Variants in VIPAS39 observed in about 807,000 individuals in gnomAD.
The protein encoded by VIPAS39 is spermatogenesis-defective protein 39 homolog.
In VIPAS39, 63 loss-of-function variants were observed where a neutral mutation model predicts 84.7. The ratio of observed to expected loss-of-function variants is 0.74; its 90% CI spans 0.61 to 0.92. The LOEUF (loss-of-function observed/expected upper bound fraction) is 0.92, where lower values mean the gene tolerates loss of function less well. Ranked by LOEUF, VIPAS39 falls within the 40% of genes least tolerant of loss-of-function variation. VIPAS39 has a pLI of 0.00. For missense variants in VIPAS39, 499 were observed against 604.5 expected (o/e 0.83, Z 1.83); for synonymous variants, 192 against 216.5 (o/e 0.89, Z 0.99).
chr14:77,434,290 CT>C lies in VIPAS39; in HGVS notation c.1060del (p.Ser354ValfsTer5). ...AAATGTCTTCTTCAGGTTGACGGGA[CT>C]GCTGAATGTCCCCTAGGATGAAAGT... ...HYTEAEGTFS[S>X]PVNLKKTFKI... is the part of the protein sequence containing the mutation. On this transcript the variant is annotated frameshift_variant, in exon 15 of 20. Coordinates refer to ENST00000557658, the MANE Select transcript of VIPAS39 (RefSeq NM_001193315.2). LOFTEE classifies it high-confidence loss of function. 6.2e-7 allele frequency: 1 copy of C among 1,614,146 alleles called. No homozygotes were observed. The highest frequency in any genetic ancestry group is 8.5e-7 in the Non-Finnish European group (1 of 1,180,004).
chr14:77,457,494 C>A lies in VIPAS39; in HGVS notation c.-1+1G>T. On this transcript the variant is annotated splice_donor_variant, in intron 1 of 19. Coordinates refer to ENST00000557658, the MANE Select transcript of VIPAS39 (RefSeq NM_001193315.2). LOFTEE classifies it low-confidence loss of function (5UTR_SPLICE). ...ACCCAAGGGGCTTGGGACACCCTCA[C>A]CTCTTCCGCACAGAGCCCTCCCTCT... 8.5e-7 allele frequency: 1 copy of A among 1,176,524 alleles called. No homozygotes were observed. The allele number at this position is 1,176,524 out of a possible 1,614,324, so 72.9% of individuals were successfully genotyped here.
At chr14:77,448,080 G>A (rs1401765274) in intron 7 of VIPAS39, among the ~76,000 whole-genome samples, 2 of 150,970 alleles carry the variant, frequency 1.3e-5, no homozygotes, top group African/African-American at 2.4e-5. Flanking sequence ...TCAGCCTCCC[G>A]AGTAGCTGGG....
At chr14:77,457,197 C>G in intron 1 of VIPAS39, 1 of 1,500,012 alleles carries the variant, frequency 6.7e-7, no homozygotes, top group Non-Finnish European at 8.8e-7. Context: ...GATGACTCTA[C>G]GGGTGAACGT....
At chr14:77,435,180 G>A in intron 14 of VIPAS39, 79 bp downstream of exon 14, 1 of 1,596,106 alleles carries the variant, frequency 6.3e-7, no homozygotes, top group Non-Finnish European at 8.6e-7. Flanking sequence ...TATTAATAGA[G>A]TACATAAAAG....
rs764577623 is a variant in VIPAS39, at chr14:77,433,854, T to G, written c.1167A>C (p.Leu389=). 1 of 1,613,944 alleles carries G rather than the reference T, an allele frequency of 6.2e-7. No individual in the cohort carries two copies. Among genetic ancestry groups the G allele is most frequent in the Non-Finnish European group, 8.5e-7 (1 of 1,179,910 alleles). The change falls in exon 16 of 20, where the codon CTA becomes CTC. Residue 389 remains leucine, a synonymous_variant. Transcript: ENST00000557658. ...GCAGGGCACACACCTTTGTGGTGAATAGGGCATCTACATCATTCCAGGCTC... is the reference window on the plus strand; with the variant it reads ...GCAGGGCACACACCTTTGTGGTGAAGAGGGCATCTACATCATTCCAGGCTC... ...KLRAWNDVDA[L]FTTKNWLGYT...
rs1369168894 is a variant in VIPAS39 at position 77,426,741 on chromosome 14, C to G, written c.*875G>C. On this transcript the variant is annotated 3_prime_UTR_variant, in exon 20 of 20. Coordinates refer to ENST00000557658, the MANE Select transcript of VIPAS39 (RefSeq NM_001193315.2). The stretch of plus-strand genomic sequence containing the variant: ...ATGTCAGAAAAACCCAGTTCAGTCA[C>G]AGAAAAGGAGGCAAATATTGGTACA... 1 of 152,204 alleles carries G rather than the reference C, an allele frequency of 6.6e-6. No individual in the cohort carries two copies. The highest frequency in any genetic ancestry group is 1.5e-5 in the Non-Finnish European group (1 of 68,056). The allele number at this position is 152,204 out of a possible 1,614,324, so 9.4% of individuals were successfully genotyped here. A position where few individuals can be genotyped will look rare whatever the true frequency, so the allele number is the denominator to read the frequency against.
chr14:77,434,174 G>T, intron 15 of VIPAS39, 88 bp downstream of exon 15: 1 of 1,389,946 alleles, frequency 7.2e-7, no homozygotes, highest in South Asian at 1.2e-5. Flanking sequence ...AATATCAAAG[G>T]ACACACTGTA....
At chr14:77,440,647 T>C (rs2078687124) in intron 11 of VIPAS39, among the ~76,000 whole-genome samples, 1 of 152,206 alleles carries the variant, frequency 6.6e-6, no homozygotes, top group Admixed American at 6.5e-5. Context: ...CAGGTGCCTC[T>C]CTCTTCTGTA....
At chr14:77,429,561 C>T (rs2139734907) in intron 17 of VIPAS39, 120 bp downstream of exon 17, 2 of 1,019,734 alleles carry the variant, frequency 2.0e-6, no homozygotes, top group South Asian at 2.5e-5. Flanking sequence ...CTATTGCAGC[C>T]ATTGTGCTGC....
intron 13 of VIPAS39, 22 bp from the exon 14 acceptor site, chr14:77,435,415 G>GAGA: frequency 1.4e-6 from 2 of 1,469,476 alleles, no homozygotes; most frequent in Non-Finnish European, 9.1e-7. Flanking sequence ...TGAGCCAAGT[G>GAGA]AAAAAAAAAA....
chr14:77,447,975 T>TTTTTTTTTTTTTG (rs2078821498), intron 7 of VIPAS39, among the ~76,000 whole-genome samples: 1 of 145,842 alleles, frequency 6.9e-6, no homozygotes, highest in African/African-American at 2.6e-5. Context: ...CTTTTTTTTT[T>TTTTTTTTTTTTTG]TTGAGACGGA....
chr14:77,440,096 G>C (rs193180686), intron 11 of VIPAS39, among the ~76,000 whole-genome samples: 7 of 152,020 alleles, frequency 4.6e-5, no homozygotes, highest in East Asian at 3.9e-4. Flanking sequence ...TGTTGCCCAG[G>C]CTGTTCTCTA....
At chr14:77,456,271 A>G (rs561557884) in intron 1 of VIPAS39, among the ~76,000 whole-genome samples, 15 of 152,352 alleles carry the variant, frequency 9.8e-5, no homozygotes, top group East Asian at 1.9e-4. Flanking sequence ...TTAACACTCA[A>G]TAGTAACTTT....
intron 11 of VIPAS39, chr14:77,440,590 A>C (rs567911462): frequency 6.3e-6 from 1 of 159,046 alleles, no homozygotes; most frequent in Non-Finnish European, 1.4e-5. Context: ...CCAAAAGAGC[A>C]TATAAAAAGA....
intron 4 of VIPAS39, among the ~76,000 whole-genome samples, chr14:77,450,863 C>T (rs772209259): frequency 1.3e-5 from 2 of 152,214 alleles, no homozygotes; most frequent in Admixed American, 6.5e-5. Context: ...CTGTCTTCCA[C>T]GGTGGCTGCA....
At chr14:77,435,438 A>G in intron 13 of VIPAS39, 45 bp from the exon 14 acceptor site, 3 of 1,585,106 alleles carry the variant, frequency 1.9e-6, no homozygotes, top group Non-Finnish European at 2.6e-6. Flanking sequence ...AACAATGTCC[A>G]TGGAGTAGAG....
intron 3 of VIPAS39, among the ~76,000 whole-genome samples, chr14:77,452,875 C>T (rs986355856): frequency 1.3e-5 from 2 of 151,832 alleles, no homozygotes; most frequent in Non-Finnish European, 2.9e-5. Flanking sequence ...TAAGGAAGTC[C>T]GTTCTGTCAA....
At position 77,451,219 on chromosome 14, in the gene VIPAS39, G is replaced by A. The variant is rs1300267119; in HGVS notation, c.311C>T (p.Thr104Ile). ...FSSYAQLPKP[T>I]STYSLSSFFR... is the part of the protein sequence containing the mutation. ...AAAGCTGCTCAGGGAGTAGGTAGAA[G>A]TAGGCTTGGGTAGTTGTGCATAGGA... The change falls in exon 4 of 20, where the codon ACT (threonine) becomes ATT (isoleucine). Residue 104 changes from threonine (T) to isoleucine (I), a missense_variant. By Grantham distance (89) the Thr-to-Ile change is moderately conservative. Coordinates refer to ENST00000557658, the MANE Select transcript of VIPAS39 (RefSeq NM_001193315.2). The A allele has an allele frequency of 1.2e-6, 2 of 1,614,248 alleles. No individual in the cohort carries two copies. The highest frequency in any genetic ancestry group is 1.7e-5 in the Admixed American group (1 of 60,032).
chr14:77,438,226 ATT>A (rs34877078), intron 11 of VIPAS39, among the ~76,000 whole-genome samples: 189 of 132,032 alleles, frequency 1.4e-3, no homozygotes, highest in East Asian at 6.2e-3. Flanking sequence ...AATATGGAAA[ATT>A]TTTTTTTTTT....
Sources: allele counts gnomAD v4.1 joint callset (sites outside exome capture counted in the v4.1 genomes callset), GRCh38; gene constraint gnomAD v4.1.1; transcripts MANE v1.5; gene names NCBI Gene and HGNC (gene_info 2026-07-23, HGNC 2026-07-21).